CCDC14: variants seen among roughly 807,000 people sequenced by gnomAD.
CCDC14 encodes coiled-coil domain containing 14.
CCDC14 carries 71 observed loss-of-function variants against 81.4 expected under a neutral mutation model. The observed-to-expected ratio is 0.87, with a 90% CI of 0.72 to 1.06. The LOEUF is 1.06. CCDC14 is among the 50% of genes least tolerant of loss of function. CCDC14 has a pLI of 0.00. For missense variants in CCDC14, 1,046 were observed against 1,047.3 expected, an observed-to-expected ratio of 1.00 and a Z score of 0.02; for synonymous variants, 332 against 364.8, an observed-to-expected ratio of 0.91 and a Z score of 1.03.
intron 12 of CCDC14, among the ~76,000 whole-genome samples, chr3:123,924,459 G>A (rs1159584997): frequency 2.6e-5 from 4 of 152,064 alleles, no homozygotes; most frequent in African/African-American, 9.7e-5. Flanking sequence ...AAACTAAAAG[G>A]CTTTTGCACA....
intron 9 of CCDC14, among the ~76,000 whole-genome samples, chr3:123,943,954 AAAG>A (rs1238460801): frequency 6.6e-6 from 1 of 152,180 alleles, no homozygotes. Context: ...AACTGAGCCC[AAAG>A]AAGGAGGTCA....
intron 9 of CCDC14, among the ~76,000 whole-genome samples, chr3:123,943,131 T>C (rs1470638816): frequency 2.0e-5 from 3 of 151,890 alleles, no homozygotes; most frequent in Non-Finnish European, 2.9e-5. Context: ...TACACATATA[T>C]ATACGTATAT....
At position 123,915,211 on chromosome 3, in the gene CCDC14, T is replaced by C. The variant is rs1314509929; in HGVS notation, c.2286A>G (p.Leu762=). The change falls in exon 13 of 13, where the codon CTA becomes CTG. Residue 762 remains leucine (L), a synonymous_variant. Coordinates refer to ENST00000409697, the MANE Select transcript of CCDC14 (RefSeq NM_001366335.1). ...QPQIRAATTQ[L]VSNSGLAVSG... ...AGACAGCAAGTCCGCTGTTGCTGAC[T>C]AGCTGTGTTGTAGCTGCTCTTATTT... The C allele has an allele frequency of 8.7e-6, 14 of 1,613,794 alleles. 1 individual carries two copies. In the South Asian group the frequency reaches 1.5e-4, roughly 18 times the overall value.
intron 12 of CCDC14, among the ~76,000 whole-genome samples, chr3:123,917,023 T>G (rs2148792120): frequency 6.6e-6 from 1 of 151,862 alleles, no homozygotes; most frequent in African/African-American, 2.4e-5. Context: ...TCTGTATTTT[T>G]TAGTAGCGAC....
At position 123,933,726 on chromosome 3, in the gene CCDC14, C is replaced by CT. The variant is rs771258266; in HGVS notation, c.1372dup (p.Arg458LysfsTer18). ...TGGTTTTTGAGTTTTCTGTTGTTCT[C>CT]TGAGTTGCTGGTTCAAAATTCTCAA... On this transcript the variant is annotated frameshift_variant, in exon 10 of 13. Transcript: ENST00000409697. LOFTEE classifies it high-confidence loss of function. 5.0e-5 allele frequency: 79 copies of CT among 1,572,400 alleles called. 1 individual carries two copies. The highest frequency in any genetic ancestry group is 6.3e-5 in the Non-Finnish European group (73 of 1,156,436).
intron 9 of CCDC14, among the ~76,000 whole-genome samples, chr3:123,939,560 T>C (rs2036243469): frequency 6.6e-6 from 1 of 151,492 alleles, no homozygotes; most frequent in Non-Finnish European, 1.5e-5. Flanking sequence ...TTGTCTTTAA[T>C]CCATTTGTTC....
chr3:123,902,822 T>C (rs1332481146), intron 5 of CCDC14, among the ~76,000 whole-genome samples: 3 of 152,210 alleles, frequency 2.0e-5, no homozygotes, highest in Admixed American at 2.0e-4. Flanking sequence ...ATTTTTTTAC[T>C]GTAAGTTCTG....
At chr3:123,956,902 CAAACTG>C in intron 1 of CCDC14, 107 bp from the exon 2 acceptor site, 1 of 673,962 alleles carries the variant, frequency 1.5e-6, no homozygotes. Context: ...TTCATCTTCT[CAAACTG>C]AAACTCTGCA....
chr3:123,901,147 A>T (rs1559753882), intron 5 of CCDC14, among the ~76,000 whole-genome samples: 1 of 151,890 alleles, frequency 6.6e-6, no homozygotes, highest in South Asian at 2.1e-4. Context: ...CAGGAGAATC[A>T]CTTGAACCCA....
intron 9 of CCDC14, among the ~76,000 whole-genome samples, chr3:123,936,376 C>T (rs927389859): frequency 6.8e-6 from 1 of 147,804 alleles, no homozygotes; most frequent in Non-Finnish European, 1.5e-5. Context: ...TCAAGTCATT[C>T]TTTTTTTTTT....
At chr3:123,946,684 T>C (rs2036640659) in intron 8 of CCDC14, 119 bp downstream of exon 8, 8 of 995,024 alleles carry the variant, frequency 8.0e-6, no homozygotes, top group African/African-American at 1.6e-5. Context: ...CATTTTCTTA[T>C]TAGCTCAAAA....
downstream of CCDC14, among the ~76,000 whole-genome samples, chr3:123,910,501 C>G (rs561030363): frequency 6.6e-6 from 1 of 151,860 alleles, no homozygotes; most frequent in African/African-American, 2.4e-5. Context: ...CAGTGCTTTG[C>G]TTACGTTCAT....
At chr3:123,951,830 G>A (rs2037035986) in intron 5 of CCDC14, among the ~76,000 whole-genome samples, 1 of 152,150 alleles carries the variant, frequency 6.6e-6, no homozygotes. Context: ...CAAAATCAAA[G>A]CCTTAGAACT....
At chr3:123,910,182 C>T (rs2034411112), downstream of CCDC14, among the ~76,000 whole-genome samples, 1 of 152,156 alleles carries the variant, frequency 6.6e-6, no homozygotes, top group East Asian at 1.9e-4. Flanking sequence ...TAACATGGTG[C>T]CACTCAACAC....
intron 5 of CCDC14, among the ~76,000 whole-genome samples, chr3:123,904,723 A>G (rs1185587932): frequency 1.3e-5 from 2 of 152,162 alleles, no homozygotes; most frequent in Non-Finnish European, 2.9e-5. Flanking sequence ...GGAGTAAGTA[A>G]ATGGAGTGTT....
Position 123,914,259 on chromosome 3 carries a change from A to G in CCDC14, c.*520T>C, listed in dbSNP as rs1427312189. ...CCAATCAATGTTTTTTAAGAGGTGTAGATACTGGTAACTTTTCTCTTTAAA... is the reference window on the plus strand; with the variant it reads ...CCAATCAATGTTTTTTAAGAGGTGTGGATACTGGTAACTTTTCTCTTTAAA... On this transcript the variant is annotated 3_prime_UTR_variant, in exon 13 of 13. Transcript: ENST00000409697. The G allele has an allele frequency of 4.1e-6, 4 of 983,598 alleles. No homozygotes were observed. The highest frequency in any genetic ancestry group is 3.6e-6 in the Non-Finnish European group (3 of 827,922). 60.9% of individuals were successfully genotyped at this position (983,598 alleles called of 1,614,324 possible).
At chr3:123,957,967 T>C (rs1474522661) in intron 1 of CCDC14, 1 of 152,136 alleles carries the variant, frequency 6.6e-6, no homozygotes, top group Non-Finnish European at 1.5e-5. Context: ...TCTAAAGTTA[T>C]ACGGCATTCT....
At chr3:123,939,420 G>A (rs1255750659) in intron 9 of CCDC14, among the ~76,000 whole-genome samples, 1 of 143,720 alleles carries the variant, frequency 7.0e-6, no homozygotes, top group Non-Finnish European at 1.5e-5. Flanking sequence ...GATCTTCTAT[G>A]TCCTATTCAT....
chr3:123,939,928 A>AT (rs1429055000), intron 9 of CCDC14, among the ~76,000 whole-genome samples: 1 of 151,978 alleles, frequency 6.6e-6, no homozygotes, highest in African/African-American at 2.4e-5. Flanking sequence ...TTTGGCACAG[A>AT]TAGTGGTAAT....
Sources: allele counts gnomAD v4.1 joint callset (sites outside exome capture counted in the v4.1 genomes callset), GRCh38; gene constraint gnomAD v4.1.1; transcripts MANE v1.5; gene names NCBI Gene and HGNC (gene_info 2026-07-23, HGNC 2026-07-21).